MFHAS1: variants seen among roughly 807,000 people sequenced by gnomAD.
MFHAS1 encodes multifunctional ROCO family signaling regulator 1.
MFHAS1 carries 50 observed loss-of-function variants against 70.4 expected under a neutral mutation model. The ratio of observed to expected loss-of-function variants is 0.71; its 90% CI spans 0.57 to 0.90. The LOEUF (loss-of-function observed/expected upper bound fraction) is 0.90, where lower values mean the gene tolerates loss of function less well. MFHAS1 is among the 40% of genes least tolerant of loss of function. The pLI, the probability that MFHAS1 is intolerant of heterozygous loss-of-function variation, is 0.00. For missense variants in MFHAS1, 1,795 were observed against 1,347.6 expected, an observed-to-expected ratio of 1.33 and a Z score of -5.20; for synonymous variants, 952 against 620.0, an observed-to-expected ratio of 1.54 and a Z score of -7.96.
chr8:8,785,892 T>C lies in MFHAS1; in HGVS notation c.*130A>G. ...TTCCCCAGTCGTCCAAAAAGCACCC[T>C]GCAAGCACGCGTTGTCACTCAAGTT... On this transcript the variant is annotated 3_prime_UTR_variant, in exon 3 of 3. Transcript: ENST00000276282. 5 of 471,246 alleles carry C rather than the reference T, an allele frequency of 1.1e-5. No individual in the cohort carries two copies. The highest frequency in any genetic ancestry group is 1.5e-5 in the Non-Finnish European group (4 of 261,784). 29.2% of individuals were successfully genotyped at this position (471,246 alleles called of 1,614,324 possible). A position where few individuals can be genotyped will look rare whatever the true frequency, so the allele number is the denominator to read the frequency against.
intron 1 of MFHAS1, among the ~76,000 whole-genome samples, chr8:8,817,395 G>A (rs937718802): frequency 6.6e-6 from 1 of 152,180 alleles, no homozygotes; most frequent in African/African-American, 2.4e-5. Context: ...AAAAAGTATG[G>A]GCAGTTGCCA....
chr8:8,889,674 A>G (rs1030145708), intron 1 of MFHAS1, among the ~76,000 whole-genome samples: 2 of 152,236 alleles, frequency 1.3e-5, no homozygotes, highest in African/African-American at 4.8e-5. Context: ...CCCCTTTGAG[A>G]CGTGTCTAAT....
At chr8:8,790,290 T>C (rs1261532038) in intron 2 of MFHAS1, 1 of 800,370 alleles carries the variant, frequency 1.2e-6, no homozygotes, top group African/African-American at 1.9e-5. Context: ...GCCTTACCTA[T>C]TTAAGAAATT....
intron 1 of MFHAS1, among the ~76,000 whole-genome samples, chr8:8,823,569 C>G (rs1807044844): frequency 6.6e-6 from 1 of 151,878 alleles, no homozygotes; most frequent in Non-Finnish European, 1.5e-5. Flanking sequence ...ATATTTTCTA[C>G]TTAATTTTCT....
chr8:8,858,593 C>A (rs956110736), intron 1 of MFHAS1, among the ~76,000 whole-genome samples: 3 of 151,976 alleles, frequency 2.0e-5, no homozygotes, highest in African/African-American at 4.8e-5. Context: ...TTCATTGTGG[C>A]GATGGCCTCA....
rs1218862701 is a variant in MFHAS1 at position 8,891,013 on chromosome 8, G to A, written c.2046C>T (p.Ser682=). ...GGCCCAAGCGCGCCGAGTCCCACCA[G>A]CTTAGCCACAGTCGCTGGGCCTGAG... ...QPPQAQRLWL[S]WWDSARLGLQ... Residue 682 remains serine, a synonymous_variant, in exon 1 of 3, where the codon AGC becomes AGT. Transcript: ENST00000276282. The surrounding 1 kb of genome is among the most constrained non-coding windows in gnomAD (Gnocchi z 5.4). 1.9e-6 allele frequency: 3 copies of A among 1,613,776 alleles called. No individual in the cohort carries two copies. The African/African-American group carries it at 4.0e-5, about 22-fold the overall frequency.
chr8:8,812,300 G>C (rs1387085815), intron 1 of MFHAS1, among the ~76,000 whole-genome samples: 1 of 152,140 alleles, frequency 6.6e-6, no homozygotes, highest in Non-Finnish European at 1.5e-5. Context: ...ACTGAAGCCG[G>C]CGTAAGATCT....
chr8:8,809,134 C>A (rs1417381467), intron 1 of MFHAS1, among the ~76,000 whole-genome samples: 1 of 152,160 alleles, frequency 6.6e-6, no homozygotes, highest in Non-Finnish European at 1.5e-5. Flanking sequence ...ACTCCCATCA[C>A]CACCAGATGG....
chr8:8,800,922 T>C (rs558106503), intron 1 of MFHAS1, among the ~76,000 whole-genome samples: 20 of 151,944 alleles, frequency 1.3e-4, no homozygotes, highest in Middle Eastern at 3.4e-3. Flanking sequence ...TGCCAGAGAA[T>C]TTGAAATAAC....
rs1006116425 is a variant in MFHAS1, at chr8:8,831,890, G to A, written c.2999-34399C>T. Among the ~76,000 whole-genome samples the A allele has an allele frequency of 5.9e-5, 9 of 152,262 alleles. No individual in the cohort carries two copies. In the South Asian group the frequency reaches 1.9e-3, roughly 32 times the overall value. On this transcript the variant is annotated intron_variant, in intron 1 of 2. Coordinates refer to ENST00000276282, the MANE Select transcript of MFHAS1 (RefSeq NM_004225.3). ...GCCTCCCAAAGTGCTGGGATTACAG[G>A]TGTGAGCTACCGCCCCCAGCCGTCA...
At chr8:8,820,091 C>G (rs1806898622) in intron 1 of MFHAS1, among the ~76,000 whole-genome samples, 1 of 152,156 alleles carries the variant, frequency 6.6e-6, no homozygotes, top group African/African-American at 2.4e-5. Context: ...ACAGCTCTCT[C>G]ACATTTAAAA....
chr8:8,813,387 C>A (rs1321238804), intron 1 of MFHAS1, among the ~76,000 whole-genome samples: 1 of 152,150 alleles, frequency 6.6e-6, no homozygotes, highest in African/African-American at 2.4e-5. Flanking sequence ...CTCAGGCAGG[C>A]CCTTCGGGAG....
At chr8:8,834,713 C>G (rs1332536457) in intron 1 of MFHAS1, among the ~76,000 whole-genome samples, 1 of 152,144 alleles carries the variant, frequency 6.6e-6, no homozygotes, top group Non-Finnish European at 1.5e-5. Context: ...TCTCAGTATC[C>G]CCATCATTAA....
chr8:8,886,276 C>T (rs546719667), intron 1 of MFHAS1, among the ~76,000 whole-genome samples: 3 of 151,980 alleles, frequency 2.0e-5, no homozygotes, highest in African/African-American at 7.3e-5. Context: ...AGTGATTGTC[C>T]CACCTCAGCC....
intron 1 of MFHAS1, among the ~76,000 whole-genome samples, chr8:8,819,094 A>T (rs905722805): frequency 6.8e-6 from 1 of 146,338 alleles, no homozygotes. Context: ...ATATAATGGA[A>T]TATCACGTGG....
intron 1 of MFHAS1, among the ~76,000 whole-genome samples, chr8:8,853,836 G>A (rs1219797474): frequency 4.6e-5 from 7 of 152,112 alleles, no homozygotes; most frequent in African/African-American, 1.7e-4. Flanking sequence ...AAAGTACTAG[G>A]AGCCACCACC....
intron 2 of MFHAS1, among the ~76,000 whole-genome samples, chr8:8,789,989 C>T (rs576980329): frequency 3.3e-5 from 5 of 152,278 alleles, no homozygotes; most frequent in Admixed American, 2.0e-4. Context: ...GTGACCATCC[C>T]GGTACTTTCC....
intron 1 of MFHAS1, among the ~76,000 whole-genome samples, chr8:8,870,662 A>G (rs1168182228): frequency 6.6e-6 from 1 of 152,090 alleles, no homozygotes; most frequent in Non-Finnish European, 1.5e-5. Context: ...CACGTGGATC[A>G]AGACAGATTC....
rs915831131 is a variant in MFHAS1, at chr8:8,857,451, A to G, written c.2998+32610T>C. Among the ~76,000 whole-genome samples, 4 of 152,204 alleles carry G rather than the reference A, an allele frequency of 2.6e-5. No homozygotes were observed. In the East Asian group the frequency reaches 7.7e-4, roughly 29 times the overall value. ...TCCTCCATTCAGCCACTGAAATAATAAGAATTCTAATTAAAAATGAGTTCA... is the reference window on the plus strand; with the variant it reads ...TCCTCCATTCAGCCACTGAAATAATGAGAATTCTAATTAAAAATGAGTTCA... On this transcript the variant is annotated intron_variant, in intron 1 of 2. Coordinates refer to ENST00000276282, the MANE Select transcript of MFHAS1 (RefSeq NM_004225.3).
Sources: gnomAD v4.1 joint callset for allele counts (sites outside exome capture counted in the v4.1 genomes callset) on GRCh38, gnomAD v4.1.1 for gene constraint, Gnocchi (gnomAD v3.1) non-coding constraint, MANE v1.5 for transcripts, NCBI Gene and HGNC (gene_info 2026-07-23, HGNC 2026-07-21) for gene names.